COL21A1: variants seen among roughly 807,000 people sequenced by gnomAD.
COL21A1 encodes collagen type XXI alpha 1 chain, also known as collagen alpha-1(XXI) chain.
In COL21A1, 149 loss-of-function variants were observed where a neutral mutation model predicts 137.9. That is an observed-to-expected ratio of 1.08 (90% CI 0.95 to 1.24). The LOEUF (loss-of-function observed/expected upper bound fraction) is 1.24, where lower values mean the gene tolerates loss of function less well. COL21A1 is among the 50% of genes most tolerant of loss of function. The probability of loss-of-function intolerance (pLI) is 0.00; values close to 1 mark genes in which losing one functional copy is unlikely to be tolerated. For missense variants in COL21A1, 1,167 were observed against 1,158.4 expected (o/e 1.01, Z -0.11); for synonymous variants, 456 against 391.5 (o/e 1.16, Z -1.95).
At chr6:56,207,516 A>G (rs1159863267) in intron 1 of COL21A1, among the ~76,000 whole-genome samples, 2 of 152,196 alleles carry the variant, frequency 1.3e-5, no homozygotes, top group Non-Finnish European at 2.9e-5. Context: ...TAGACCAATA[A>G]TAAGTTCTGA....
At chr6:56,150,848 A>G (rs534520966) in intron 10 of COL21A1, among the ~76,000 whole-genome samples, 9 of 152,306 alleles carry the variant, frequency 5.9e-5, no homozygotes, top group African/African-American at 2.2e-4. Context: ...AAAGCAGCCT[A>G]TGCTCAGCAA....
intron 1 of COL21A1, among the ~76,000 whole-genome samples, chr6:56,224,654 A>T (rs186447180): frequency 2.0e-5 from 3 of 152,230 alleles, no homozygotes; most frequent in Non-Finnish European, 4.4e-5. Flanking sequence ...CAGCAGATGT[A>T]ACTAAATCAA....
chr6:56,285,958 T>C (rs536046973), intron 1 of COL21A1, among the ~76,000 whole-genome samples: 1 of 152,320 alleles, frequency 6.6e-6, no homozygotes, highest in African/African-American at 2.4e-5. Flanking sequence ...ATTTACTTTT[T>C]TTTTGCCTTT....
intron 1 of COL21A1, among the ~76,000 whole-genome samples, chr6:56,245,759 T>C (rs1175510678): frequency 6.6e-6 from 1 of 152,178 alleles, no homozygotes; most frequent in East Asian, 1.9e-4. Context: ...AGACCAAAGT[T>C]CCTGTTCCTA....
rs1769591933 is a variant in COL21A1 at position 56,097,902 on chromosome 6, AATATATAAAT to A, written c.1812+3560_1812+3569del. On this transcript the variant is annotated intron_variant, in intron 17 of 29. Transcript: ENST00000244728. ...ATATATAAATATATATAAATATATA[AATATATAAAT>A]ATATATAAATATATAAATATATAAA... Among the ~76,000 whole-genome samples, 2 of 80,036 alleles carry A rather than the reference AATATATAAAT, an allele frequency of 2.5e-5. 1 individual carries two copies. Among genetic ancestry groups the A allele is most frequent in the Non-Finnish European group, 4.6e-5 (2 of 43,446 alleles). 52.5% of individuals were successfully genotyped at this position (80,036 alleles called of 152,430 possible).
Position 56,182,582 on chromosome 6 carries a change from C to G in COL21A1, c.37G>C (p.Val13Leu). Residue 13 changes from valine (V) to leucine (L), a missense_variant, in exon 2 of 30, where the codon GTG (valine) becomes CTG (leucine). Transcript: ENST00000244728. Reference protein sequence around the residue: ...HYITFLCMVLVLLLQNSVLAE... With the variant: ...HYITFLCMVLLLLLQNSVLAE... The stretch of plus-strand genomic sequence containing the variant: ...AACACAGAATTCTGAAGAAGCAGCA[C>G]CAAAACCATGCAGAGAAATGTAATA... The G allele has an allele frequency of 6.2e-7, 1 of 1,605,960 alleles. No individual in the cohort carries two copies. Among genetic ancestry groups the G allele is most frequent in the African/African-American group, 1.3e-5 (1 of 74,930 alleles).
chr6:56,155,391 C>A (rs925162559), intron 10 of COL21A1, among the ~76,000 whole-genome samples: 5 of 152,082 alleles, frequency 3.3e-5, no homozygotes, highest in African/African-American at 1.2e-4. Flanking sequence ...AAATCTCTCT[C>A]AGGAACTTAA....
At chr6:56,276,790 T>G in intron 1 of COL21A1, 2 of 1,096,508 alleles carry the variant, frequency 1.8e-6, no homozygotes, top group East Asian at 2.4e-5. Flanking sequence ...GGTTGTTCAG[T>G]GAGTTGTGTT....
chr6:56,391,709 T>C (rs1008211747), intron 1 of COL21A1, among the ~76,000 whole-genome samples: 1 of 152,148 alleles, frequency 6.6e-6, no homozygotes, highest in African/African-American at 2.4e-5. Context: ...TTTATAGATG[T>C]ATAAATGTAT....
intron 1 of COL21A1, among the ~76,000 whole-genome samples, chr6:56,388,173 T>C (rs2094021931): frequency 6.6e-6 from 1 of 152,194 alleles, no homozygotes; most frequent in Non-Finnish European, 1.5e-5. Context: ...CAGAAGGAAA[T>C]ACACTGCCCT....
chr6:56,067,237 A>G (rs1766340626), intron 23 of COL21A1, 58 bp downstream of exon 23: 2 of 1,365,498 alleles, frequency 1.5e-6, no homozygotes, highest in Non-Finnish European at 2.1e-6. Flanking sequence ...TAAAATAAGA[A>G]CTTTTTAAAA....
At chr6:56,297,932 G>A (rs1764198286) in intron 1 of COL21A1, among the ~76,000 whole-genome samples, 1 of 151,990 alleles carries the variant, frequency 6.6e-6, no homozygotes, top group South Asian at 2.1e-4. Context: ...TTCTTTTGGG[G>A]TGCACATTTC....
At chr6:56,308,748 A>T (rs1218133298) in intron 1 of COL21A1, among the ~76,000 whole-genome samples, 1 of 152,044 alleles carries the variant, frequency 6.6e-6, no homozygotes, top group Non-Finnish European at 1.5e-5. Context: ...AAAAAAACAA[A>T]TAAGATTTAA....
intron 12 of COL21A1, among the ~76,000 whole-genome samples, chr6:56,136,449 A>G (rs1460120489): frequency 6.6e-6 from 1 of 152,138 alleles, no homozygotes; most frequent in Non-Finnish European, 1.5e-5. Flanking sequence ...GGGGAGTCAC[A>G]CTCTTGGTCC....
At chr6:56,332,494 A>G (rs558699797) in intron 1 of COL21A1, among the ~76,000 whole-genome samples, 1 of 149,334 alleles carries the variant, frequency 6.7e-6, no homozygotes, top group South Asian at 2.1e-4. Context: ...TTTTTGCTAC[A>G]TTAGTAATAT....
At chr6:56,064,486 A>C in intron 24 of COL21A1, 92 bp downstream of exon 24, 4 of 835,936 alleles carry the variant, frequency 4.8e-6, no homozygotes, top group Non-Finnish European at 7.9e-6. Context: ...CCTTCTCCCC[A>C]CCCATTTTTA....
intron 1 of COL21A1, among the ~76,000 whole-genome samples, chr6:56,202,820 C>A (rs1164273817): frequency 6.6e-6 from 1 of 152,096 alleles, no homozygotes; most frequent in Non-Finnish European, 1.5e-5. Flanking sequence ...CTGGCCATAG[C>A]AACTTCTAAA....
chr6:56,209,024 C>G (rs1178739000), intron 1 of COL21A1, among the ~76,000 whole-genome samples: 2 of 151,904 alleles, frequency 1.3e-5, no homozygotes, highest in East Asian at 3.9e-4. Context: ...AAAAATTAAC[C>G]CAAGATGGAT....
At chr6:56,296,863 A>G (rs1222615841) in intron 1 of COL21A1, among the ~76,000 whole-genome samples, 2 of 152,068 alleles carry the variant, frequency 1.3e-5, no homozygotes, top group African/African-American at 4.8e-5. Context: ...GAATGGAAAT[A>G]TGCCACATTT....
Sources: gnomAD v4.1 joint callset for allele counts (sites outside exome capture counted in the v4.1 genomes callset) on GRCh38, gnomAD v4.1.1 for gene constraint, MANE v1.5 for transcripts, NCBI Gene and HGNC (gene_info 2026-07-23, HGNC 2026-07-21) for gene names.